The following ARMC9 variants were observed in gnomAD, a reference collection of about 807,000 sequenced individuals.
ARMC9 encodes lisH domain-containing protein ARMC9.
In ARMC9, 94 loss-of-function variants were observed where a neutral mutation model predicts 107.0. That is an observed-to-expected ratio of 0.88 (90% CI 0.74 to 1.04). The LOEUF (loss-of-function observed/expected upper bound fraction) is 1.04, where lower values mean the gene tolerates loss of function less well. Among genes scored for constraint, ARMC9 ranks in the 50% least tolerant of loss-of-function variants. ARMC9 has a pLI of 0.00. For synonymous variants in ARMC9, 380 were observed against 396.9 expected, an observed-to-expected ratio of 0.96 and a Z score of 0.51; for missense variants, 942 against 1,030.1, an observed-to-expected ratio of 0.91 and a Z score of 1.17.
rs1367926843 is a variant in ARMC9, at chr2:231,331,804, C to T, written c.1785C>T (p.Asp595=). Residue 595 remains aspartate, a synonymous_variant, in exon 20 of 25, where the codon GAC becomes GAT. Transcript: ENST00000611582. ...GTCTCCTGAAACAGGAGGACCATGACATCATGGAAGCCGATCTGGACAAAG... is the reference window on the plus strand; with the variant it reads ...GTCTCCTGAAACAGGAGGACCATGATATCATGGAAGCCGATCTGGACAAAG... ...DEDEDDEEDH[D]IMEADLDKDE... 3 of 1,613,750 alleles carry T rather than the reference C, an allele frequency of 1.9e-6. No individual in the cohort carries two copies. The highest frequency in any genetic ancestry group is 2.2e-5 in the East Asian group (1 of 44,886).
At chr2:231,322,627 A>G (rs1332290834) in intron 19 of ARMC9, among the ~76,000 whole-genome samples, 1 of 152,170 alleles carries the variant, frequency 6.6e-6, no homozygotes, top group Non-Finnish European at 1.5e-5. Context: ...GCATCTTGTA[A>G]TGTCATAAGG....
chr2:231,312,031 A>G (rs747696697), intron 19 of ARMC9, among the ~76,000 whole-genome samples: 2 of 152,082 alleles, frequency 1.3e-5, no homozygotes, highest in Non-Finnish European at 2.9e-5. Context: ...GATCAATGTT[A>G]TGTTTGCTAA....
At chr2:231,226,885 T>C (rs374030376) in intron 7 of ARMC9, 87 bp downstream of exon 7, 1 of 1,471,706 alleles carries the variant, frequency 6.8e-7, no homozygotes, top group Non-Finnish European at 9.5e-7. Flanking sequence ...ATGGAGAGAA[T>C]TCATGATTTT....
chr2:231,351,788 A>G (rs545418704), intron 21 of ARMC9, among the ~76,000 whole-genome samples: 2 of 152,088 alleles, frequency 1.3e-5, no homozygotes, highest in African/African-American at 2.4e-5. Flanking sequence ...GAGTTATTAT[A>G]TGCTTGGTGA....
intron 12 of ARMC9, among the ~76,000 whole-genome samples, chr2:231,268,294 T>C (rs184253251): frequency 1.1e-3 from 165 of 152,298 alleles, no homozygotes; most frequent in Admixed American, 7.1e-3. Flanking sequence ...TTGTGAACAC[T>C]CATCAGGCTG....
At chr2:231,275,343 T>G (rs868123986) in intron 14 of ARMC9, among the ~76,000 whole-genome samples, 7 of 152,354 alleles carry the variant, frequency 4.6e-5, no homozygotes, top group Middle Eastern at 3.4e-3. Flanking sequence ...GGCTTCTCTG[T>G]GGCATGTCAG....
At position 231,360,671 on chromosome 2, in the gene ARMC9, G is replaced by C. The variant is rs2045532508; in HGVS notation, c.2132-83G>C. ...TGGCCTGGGGTGCGTGCTTTTCTTG[G>C]CTTTCCAACCCAGCCCACGAGAGGG... is the stretch of plus-strand genomic sequence containing the variant. On this transcript the variant is annotated intron_variant, in intron 22 of 24. Coordinates refer to ENST00000611582, the MANE Select transcript of ARMC9 (RefSeq NM_001352754.2). This position sits in a 1 kb window ranked among gnomAD's most constrained non-coding sequence, Gnocchi z 4.7. The C allele has an allele frequency of 1.3e-6, 2 of 1,534,156 alleles. No individual in the cohort carries two copies. Among genetic ancestry groups the C allele is most frequent in the South Asian group, 2.4e-5 (2 of 83,976 alleles).
At chr2:231,369,762 T>A (rs1423540108) in intron 23 of ARMC9, among the ~76,000 whole-genome samples, 191 bp from the exon 24 acceptor site, 1 of 151,840 alleles carries the variant, frequency 6.6e-6, no homozygotes, top group African/African-American at 2.4e-5. Context: ...CCCGGCTAAT[T>A]TTTGAATTTT....
At chr2:231,198,803 TC>T (rs2125291717) in intron 1 of ARMC9, 105 bp downstream of exon 1, 1 of 152,598 alleles carries the variant, frequency 6.6e-6, no homozygotes, top group African/African-American at 2.4e-5. Context: ...GACCTCTTGT[TC>T]CGAGGAAAAA....
intron 5 of ARMC9, among the ~76,000 whole-genome samples, chr2:231,217,973 G>C (rs935684590): frequency 1.4e-5 from 2 of 146,482 alleles, no homozygotes; most frequent in East Asian, 3.9e-4. Flanking sequence ...GATTACAGGC[G>C]TGAGCCACCG....
chr2:231,301,423 A>C (rs1385320362), intron 19 of ARMC9, among the ~76,000 whole-genome samples: 1 of 152,164 alleles, frequency 6.6e-6, no homozygotes, highest in African/African-American at 2.4e-5. Flanking sequence ...AAGGCTGTTA[A>C]TAATTCAGAT....
At chr2:231,308,801 G>A (rs2042176206) in intron 19 of ARMC9, among the ~76,000 whole-genome samples, 2 of 152,194 alleles carry the variant, frequency 1.3e-5, no homozygotes, top group Admixed American at 1.3e-4. Context: ...TACGTGACCT[G>A]TGAGATTGTG....
chr2:231,281,690 A>G (rs138760083), intron 16 of ARMC9, among the ~76,000 whole-genome samples: 81 of 152,318 alleles, frequency 5.3e-4, no homozygotes, highest in African/African-American at 1.8e-3. Context: ...AGGGGTTCCT[A>G]TCGAAGAGGC....
rs2031994425 is a variant in ARMC9, at chr2:231,206,378, A to G, written c.51+89A>G. ...TGCAACAAACTATTTAGTGCCTTGTAATGTTTCTTCTATTGTTATGTTGGA... is the reference window on the plus strand; with the variant it reads ...TGCAACAAACTATTTAGTGCCTTGTGATGTTTCTTCTATTGTTATGTTGGA... On this transcript the variant is annotated intron_variant, in intron 2 of 24. Transcript: ENST00000611582. The G allele has an allele frequency of 3.8e-6, 4 of 1,055,982 alleles. No homozygotes were observed. In the South Asian group the frequency reaches 5.9e-5, roughly 16 times the overall value. 65.4% of individuals were successfully genotyped at this position (1,055,982 alleles called of 1,614,324 possible).
chr2:231,288,627 A>C (rs1012795735), intron 17 of ARMC9: 1 of 471,088 alleles, frequency 2.1e-6, no homozygotes. Context: ...CAGGCTCTGG[A>C]AGAGATGCTT....
At chr2:231,240,287 G>T in intron 9 of ARMC9, 1 of 518,898 alleles carries the variant, frequency 1.9e-6, no homozygotes, top group Non-Finnish European at 3.4e-6. Flanking sequence ...ACTCAGTGGG[G>T]GTTCCCAGGG....
chr2:231,371,122 C>T (rs925837247), intron 24 of ARMC9: 7 of 486,412 alleles, frequency 1.4e-5, no homozygotes, highest in East Asian at 6.0e-5. Context: ...AGGGGAGGCT[C>T]GGCCAGGAGG....
intron 15 of ARMC9, among the ~76,000 whole-genome samples, chr2:231,277,917 T>C (rs541605335): frequency 6.6e-6 from 1 of 152,294 alleles, no homozygotes; most frequent in South Asian, 2.1e-4. Context: ...TTCTTCATCA[T>C]CATCACCATA....
intron 18 of ARMC9, chr2:231,294,627 CAGG>C (rs1294145247): frequency 4.6e-5 from 7 of 152,916 alleles, no homozygotes; most frequent in African/African-American, 1.7e-4. Context: ...GGGAGCTGGG[CAGG>C]AGGAGGCAGA....
Sources: gnomAD v4.1 joint callset for allele counts (sites outside exome capture counted in the v4.1 genomes callset) on GRCh38, gnomAD v4.1.1 for gene constraint, Gnocchi (gnomAD v3.1) non-coding constraint, MANE v1.5 for transcripts, NCBI Gene and HGNC (gene_info 2026-07-23, HGNC 2026-07-21) for gene names.